Variants in PRKCE observed in about 807,000 individuals in gnomAD.
PRKCE encodes the protein protein kinase C epsilon, also known as protein kinase C epsilon type.
In PRKCE, 16 loss-of-function variants were observed where a neutral mutation model predicts 85.4. The observed-to-expected ratio is 0.19, with a 90% CI of 0.13 to 0.28. The LOEUF is 0.28. Ranked by LOEUF, PRKCE falls within the 10% of genes least tolerant of loss-of-function variation. PRKCE has a pLI of 1.00. For missense variants in PRKCE, 573 were observed against 975.2 expected (o/e 0.59, Z 5.49); for synonymous variants, 388 against 371.5 (o/e 1.04, Z -0.51).
At chr2:45,698,071 CA>C (rs1042693711) in intron 1 of PRKCE, 3 of 152,596 alleles carry the variant, frequency 2.0e-5, no homozygotes, top group Admixed American at 2.0e-4. Context: ...TAGTGGACGT[CA>C]GTTTGTGCTG....
At chr2:45,765,568 C>T (rs557698648) in intron 1 of PRKCE, among the ~76,000 whole-genome samples, 1 of 152,250 alleles carries the variant, frequency 6.6e-6, no homozygotes, top group African/African-American at 2.4e-5. Context: ...TCATCTTTGC[C>T]TCTGCAGTGG....
chr2:45,868,029 A>G (rs918585030), intron 2 of PRKCE, among the ~76,000 whole-genome samples: 36 of 152,032 alleles, frequency 2.4e-4, no homozygotes, highest in African/African-American at 6.5e-4. Flanking sequence ...AGGTTTTTCT[A>G]TGGCCCCACA....
At chr2:45,884,994 TA>T (rs55862193) in intron 2 of PRKCE, among the ~76,000 whole-genome samples, 1,221 of 72,906 alleles carry the variant, frequency 0.017, 64 homozygotes, top group South Asian at 0.028. Context: ...TATATATATA[TA>T]TATATATTTG....
chr2:45,974,635 C>G (rs1054959555), intron 2 of PRKCE, among the ~76,000 whole-genome samples: 2 of 152,198 alleles, frequency 1.3e-5, no homozygotes, highest in Non-Finnish European at 2.9e-5. Flanking sequence ...TTTACCTTCC[C>G]TCTACCCTAC....
At chr2:46,130,935 C>A (rs1454812564) in intron 11 of PRKCE, among the ~76,000 whole-genome samples, 1 of 152,214 alleles carries the variant, frequency 6.6e-6, no homozygotes, top group Admixed American at 6.5e-5. Flanking sequence ...AATTGAGAGA[C>A]TTTTGCTTAA....
intron 1 of PRKCE, among the ~76,000 whole-genome samples, chr2:45,796,576 T>C (rs529060650): frequency 1.3e-5 from 2 of 152,182 alleles, no homozygotes; most frequent in Non-Finnish European, 2.9e-5. Context: ...TCCAGGCCAA[T>C]TAACTTAACC....
chr2:45,682,442 T>C (rs565140445), intron 1 of PRKCE, among the ~76,000 whole-genome samples: 1 of 152,292 alleles, frequency 6.6e-6, no homozygotes, highest in Non-Finnish European at 1.5e-5. Context: ...ATTTATTTTT[T>C]TTGAGACAGA....
At chr2:46,137,963 A>G (rs567615178) in intron 11 of PRKCE, among the ~76,000 whole-genome samples, 4 of 152,194 alleles carry the variant, frequency 2.6e-5, no homozygotes, top group African/African-American at 9.6e-5. Context: ...ATGCTTTTCC[A>G]TTTTCCTACC....
chr2:46,114,869 T>C (rs1242865794), intron 11 of PRKCE, among the ~76,000 whole-genome samples: 1 of 152,188 alleles, frequency 6.6e-6, no homozygotes, highest in Non-Finnish European at 1.5e-5. Flanking sequence ...TCTGGATTAC[T>C]TAAGCCAAGA....
chr2:45,710,067 A>T (rs1322300536), intron 1 of PRKCE, among the ~76,000 whole-genome samples: 1 of 152,170 alleles, frequency 6.6e-6, no homozygotes, highest in Non-Finnish European at 1.5e-5. Flanking sequence ...AAGTTCTGGG[A>T]TTACAGGCTT....
intron 2 of PRKCE, among the ~76,000 whole-genome samples, chr2:45,942,022 T>C (rs895408635): frequency 1.3e-5 from 2 of 152,224 alleles, no homozygotes; most frequent in African/African-American, 4.8e-5. Flanking sequence ...TCAAAGCACA[T>C]GCTTAGAAAC....
intron 11 of PRKCE, among the ~76,000 whole-genome samples, chr2:46,100,578 G>A (rs927744265): frequency 6.6e-6 from 1 of 152,220 alleles, no homozygotes; most frequent in Non-Finnish European, 1.5e-5. Flanking sequence ...CATCTCTCAT[G>A]AAGTCCCCTC....
intron 10 of PRKCE, among the ~76,000 whole-genome samples, chr2:46,029,923 T>G (rs1316416627): frequency 1.3e-5 from 2 of 152,132 alleles, no homozygotes; most frequent in African/African-American, 2.4e-5. Context: ...AAGCTGTGTA[T>G]CTGAGTAAAT....
intron 10 of PRKCE, among the ~76,000 whole-genome samples, chr2:46,015,111 G>A (rs573598456): frequency 8.5e-4 from 129 of 152,270 alleles, no homozygotes; most frequent in African/African-American, 3.1e-3. Context: ...TAAAACTTAG[G>A]GGCTTGGTCA....
chr2:46,136,215 C>T (rs1674981667), intron 11 of PRKCE, among the ~76,000 whole-genome samples: 2 of 152,142 alleles, frequency 1.3e-5, no homozygotes, highest in African/African-American at 2.4e-5. Context: ...GAAGTGAGGG[C>T]ATTGGAAAAC....
chr2:45,986,889 G>T (rs948065492), intron 6 of PRKCE, among the ~76,000 whole-genome samples: 1 of 152,144 alleles, frequency 6.6e-6, no homozygotes, highest in Non-Finnish European at 1.5e-5. Context: ...TGTAGGTGAG[G>T]TGAAGAGAGC....
intron 12 of PRKCE, among the ~76,000 whole-genome samples, chr2:46,147,794 A>G (rs1676228009): frequency 1.3e-5 from 2 of 152,210 alleles, no homozygotes; most frequent in South Asian, 2.1e-4. Flanking sequence ...GTGTGATGGG[A>G]TAGGAAACGC....
intron 2 of PRKCE, among the ~76,000 whole-genome samples, chr2:45,961,870 T>C (rs1382317829): frequency 6.6e-6 from 1 of 152,152 alleles, no homozygotes; most frequent in Non-Finnish European, 1.5e-5. Context: ...TAATTTTGTA[T>C]TTTTAGTAGA....
chr2:46,043,576 T>C (rs1367782906), intron 10 of PRKCE, among the ~76,000 whole-genome samples: 1 of 152,180 alleles, frequency 6.6e-6, no homozygotes, highest in African/African-American at 2.4e-5. Flanking sequence ...ACCAAGCTTC[T>C]TCATTAGCAG....
Sources: allele counts gnomAD v4.1 joint callset (sites outside exome capture counted in the v4.1 genomes callset), GRCh38; gene constraint gnomAD v4.1.1; transcripts MANE v1.5; gene names NCBI Gene and HGNC (gene_info 2026-07-23, HGNC 2026-07-21).